The following GATA4 variants were observed in gnomAD, a reference collection of about 807,000 sequenced individuals.
GATA4 encodes the protein transcription factor GATA-4.
Under a neutral mutation model 37.9 loss-of-function variants are expected in GATA4, and 7 were observed. That is an observed-to-expected ratio of 0.18 (90% CI 0.11 to 0.35). The LOEUF (loss-of-function observed/expected upper bound fraction) is 0.35, where lower values mean the gene tolerates loss of function less well. Among genes scored for constraint, GATA4 ranks in the 10% least tolerant of loss-of-function variants. GATA4 has a pLI of 1.00. For synonymous variants in GATA4, 372 were observed against 292.6 expected, an observed-to-expected ratio of 1.27 and a Z score of -2.77; for missense variants, 647 against 653.0, an observed-to-expected ratio of 0.99 and a Z score of 0.10.
chr8:11,690,235 C>G (rs1470975878), upstream of GATA4, among the ~76,000 whole-genome samples: 1 of 152,250 alleles, frequency 6.6e-6, no homozygotes, highest in Non-Finnish European at 1.5e-5. Flanking sequence ...GACCATGGCG[C>G]CCGTGTCTCA....
intron 2 of GATA4, among the ~76,000 whole-genome samples, chr8:11,743,519 G>C (rs896664986): frequency 1.3e-5 from 2 of 152,246 alleles, no homozygotes; most frequent in African/African-American, 4.8e-5. Flanking sequence ...AGTGGCCTGA[G>C]CTGTCTCCCC....
intron 1 of GATA4, chr8:11,683,245 C>A: frequency 3.4e-6 from 2 of 588,504 alleles, no homozygotes; most frequent in Non-Finnish European, 4.3e-6. Context: ...AGGGACGGGG[C>A]TGGCGTGCTC....
In GATA4 at chr8:11,709,273, C is replaced by T. The variant is rs892180528; in HGVS notation, c.616+345C>T. 6.6e-6 allele frequency among the ~76,000 whole-genome samples: 1 copy of T among 152,192 alleles called. No individual in the cohort carries two copies. Among genetic ancestry groups the T allele is most frequent in the Non-Finnish European group, 1.5e-5 (1 of 68,042 alleles). ...GGGCTCCCTGGAGAGCCGGGGGCAGCGGCCTGGGATTTCCTCGTGGAAGGT... is the reference window on the plus strand; with the variant it reads ...GGGCTCCCTGGAGAGCCGGGGGCAGTGGCCTGGGATTTCCTCGTGGAAGGT... On this transcript the variant is annotated intron_variant, in intron 2 of 6. Coordinates refer to ENST00000532059, the MANE Select transcript of GATA4 (RefSeq NM_001308093.3). This position sits in a 1 kb window ranked among gnomAD's most constrained non-coding sequence, Gnocchi z 4.3.
At chr8:11,746,432 A>T (rs186070407) in intron 2 of GATA4, among the ~76,000 whole-genome samples, 1 of 152,150 alleles carries the variant, frequency 6.6e-6, no homozygotes, top group Admixed American at 6.5e-5. Flanking sequence ...TGGAATGGAA[A>T]GGTGATCTTA....
At chr8:11,681,405 G>A (rs1160548812) in intron 1 of GATA4, 1 of 984,812 alleles carries the variant, frequency 1.0e-6, no homozygotes, top group African/African-American at 1.8e-5. Context: ...CCGGGATCAC[G>A]CGTGGCTCAA....
chr8:11,713,449 C>G (rs569191811), intron 2 of GATA4, among the ~76,000 whole-genome samples: 2 of 152,134 alleles, frequency 1.3e-5, no homozygotes, highest in East Asian at 3.9e-4. Flanking sequence ...TGGGTCCAAC[C>G]ACACAGAATG....
chr8:11,702,968 C>T (rs1263127511), upstream of GATA4, among the ~76,000 whole-genome samples: 7 of 152,224 alleles, frequency 4.6e-5, no homozygotes, highest in African/African-American at 1.7e-4. The surrounding 1 kb of genome is among the most constrained non-coding windows in gnomAD (Gnocchi z 4.4). Context: ...TTCCTTCTAC[C>T]CAGCCCCGCG....
Position 11,752,459 on chromosome 8 carries a change from C to A in GATA4, c.912+2223C>A, listed in dbSNP as rs1251023413. Among the ~76,000 whole-genome samples the A allele has an allele frequency of 2.0e-5, 3 of 152,174 alleles. 1 individual carries two copies. The highest frequency in any genetic ancestry group is 7.2e-5 in the African/African-American group (3 of 41,434). On this transcript the variant is annotated intron_variant, in intron 4 of 6. Transcript: ENST00000532059. ...GAGAGCCAAGCAAAAGGGGTTTCCC[C>A]TTATAAAACCATCAGCTCTCATGAG...
intron 1 of GATA4, among the ~76,000 whole-genome samples, chr8:11,677,261 A>G (rs903018028): frequency 4.6e-5 from 7 of 152,290 alleles, no homozygotes; most frequent in Middle Eastern, 3.4e-3. Flanking sequence ...GCCTTTGCGG[A>G]CAGGAAGGAA....
rs920624007 is a variant in GATA4 at position 11,709,214 on chromosome 8, C to T, written c.616+286C>T. On this transcript the variant is annotated intron_variant, in intron 2 of 6. Transcript: ENST00000532059. This position sits in a 1 kb window ranked among gnomAD's most constrained non-coding sequence, Gnocchi z 4.3. ...CCGCCATCCCAGACATCGACCGTGG[C>T]CGCGCTGCGCTGTGGGTGACGCGGG... 6.6e-6 allele frequency among the ~76,000 whole-genome samples: 1 copy of T among 152,190 alleles called. No individual in the cohort carries two copies. Among genetic ancestry groups the T allele is most frequent in the Non-Finnish European group, 1.5e-5 (1 of 68,020 alleles).
chr8:11,733,322 A>T (rs1801298850), intron 2 of GATA4, among the ~76,000 whole-genome samples: 1 of 152,236 alleles, frequency 6.6e-6, no homozygotes, highest in African/African-American at 2.4e-5. Context: ...TGAAAGAGTT[A>T]TTGTACAAGA....
At chr8:11,716,526 T>G (rs1800438883) in intron 2 of GATA4, among the ~76,000 whole-genome samples, 1 of 152,226 alleles carries the variant, frequency 6.6e-6, no homozygotes, top group Non-Finnish European at 1.5e-5. Flanking sequence ...TTTTGCTTAT[T>G]TCACAGGAGG....
At chr8:11,694,555 G>A in intron 1 of GATA4, 5 of 977,506 alleles carry the variant, frequency 5.1e-6, no homozygotes, top group Non-Finnish European at 6.1e-6. Context: ...CTCTCCCAGG[G>A]TGAGGGACAG....
At chr8:11,693,731 C>CGG (rs1384507335) in intron 1 of GATA4, among the ~76,000 whole-genome samples, 1 of 152,116 alleles carries the variant, frequency 6.6e-6, no homozygotes, top group Non-Finnish European at 1.5e-5. Context: ...TCTTGCCCTA[C>CGG]CCCCACTCCC....
chr8:11,689,527 G>A (rs181566357), upstream of GATA4, among the ~76,000 whole-genome samples: 10 of 152,286 alleles, frequency 6.6e-5, no homozygotes, highest in African/African-American at 2.2e-4. Flanking sequence ...TTATTTTGAA[G>A]GCTGAGTCCA....
At position 11,708,121 on chromosome 8, in the gene GATA4, A is replaced by T; in HGVS notation, c.-192A>T. ...TTTTCCGGAGTAAACAAGAGCCTAG[A>T]GCCCTTTGCTCAATGCTGGATTTAA... On this transcript the variant is annotated 5_prime_UTR_variant, in exon 2 of 7. Coordinates refer to ENST00000532059, the MANE Select transcript of GATA4 (RefSeq NM_001308093.3). The surrounding 1 kb of genome is among the most constrained non-coding windows in gnomAD (Gnocchi z 6.7). 1 of 715,448 alleles carries T rather than the reference A, an allele frequency of 1.4e-6. No homozygotes were observed. The highest frequency in any genetic ancestry group is 2.5e-6 in the Non-Finnish European group (1 of 404,106). The allele number at this position is 715,448 out of a possible 1,614,324, so 44.3% of individuals were successfully genotyped here.
chr8:11,756,678 G>A (rs931386349), intron 5 of GATA4: 12 of 561,296 alleles, frequency 2.1e-5, no homozygotes, highest in African/African-American at 2.1e-4. Flanking sequence ...GAATCTTCAA[G>A]TTGAATGAGG....
upstream of GATA4, chr8:11,691,902 C>A: frequency 2.2e-6 from 1 of 462,094 alleles, no homozygotes; most frequent in Non-Finnish European, 2.8e-6. Context: ...TAGCTCTCAA[C>A]TCAAAGAGGG....
chr8:11,756,249 T>G (rs1458463148), intron 5 of GATA4, among the ~76,000 whole-genome samples: 1 of 152,076 alleles, frequency 6.6e-6, no homozygotes, highest in African/African-American at 2.4e-5. Flanking sequence ...ATGATCAAAG[T>G]TCTGCTTTTG....
Sources: gnomAD v4.1 joint callset for allele counts (sites outside exome capture counted in the v4.1 genomes callset) on GRCh38, gnomAD v4.1.1 for gene constraint, Gnocchi (gnomAD v3.1) non-coding constraint, MANE v1.5 for transcripts, NCBI Gene and HGNC (gene_info 2026-07-23, HGNC 2026-07-21) for gene names.